The following PMS1 variants were observed in gnomAD, a reference collection of about 807,000 sequenced individuals.
PMS1 encodes the protein PMS1 protein homolog 1.
In PMS1, 79 loss-of-function variants were observed where a neutral mutation model predicts 93.1. The ratio of observed to expected loss-of-function variants is 0.85; its 90% CI spans 0.71 to 1.02. The LOEUF is 1.02. PMS1 is among the 50% of genes least tolerant of loss of function. The pLI, the probability that PMS1 is intolerant of heterozygous loss-of-function variation, is 0.00. For synonymous variants in PMS1, 335 were observed against 363.4 expected (o/e 0.92, Z 0.89); for missense variants, 1,064 against 1,085.3 (o/e 0.98, Z 0.28).
intron 5 of PMS1, among the ~76,000 whole-genome samples, chr2:189,838,886 A>G (rs953557086): frequency 6.6e-6 from 1 of 152,246 alleles, no homozygotes; most frequent in Non-Finnish European, 1.5e-5. Context: ...TTAATTACAC[A>G]TAGTCCTCAG....
Position 189,864,227 on chromosome 2 carries a change from A to G in PMS1, c.2341A>G (p.Ser781Gly), listed in dbSNP as rs201984263. 53 of 1,587,274 alleles carry G rather than the reference A, an allele frequency of 3.3e-5. No individual in the cohort carries two copies. The African/African-American group carries it at 6.7e-4, about 20-fold the overall frequency. ...GGAAAAGCCAATTATGTTAACAGAG[A>G]GGTATGATGATACAATACTTTTTAA... Reference protein sequence around the residue: ...PLEKPIMLTESLFNGSHYLDV... With the variant: ...PLEKPIMLTEGLFNGSHYLDV... The change falls in exon 10 of 13, where the codon AGT (serine) becomes GGT (glycine). Residue 781 changes from serine (S) to glycine (G), a missense_variant and splice_region_variant. By Grantham distance (56) the Ser-to-Gly change is moderately conservative. Transcript: ENST00000441310.
Position 189,840,175 on chromosome 2 carries a change from C to T in PMS1, c.583-3789C>T, listed in dbSNP as rs5743094. 4.5e-3 allele frequency among the ~76,000 whole-genome samples: 680 copies of T among 152,170 alleles called. 3 individuals carry two copies. Among genetic ancestry groups the T allele is most frequent in the African/African-American group, 0.016 (652 of 41,524 alleles). Reference sequence around the variant, plus strand: ...GTTTATTTGAGCAAATAACAGTTTACAAATCAGGCAGCCCCCAGAGCCAGA... The same window carrying T: ...GTTTATTTGAGCAAATAACAGTTTATAAATCAGGCAGCCCCCAGAGCCAGA... On this transcript the variant is annotated intron_variant, in intron 5 of 12. Transcript: ENST00000441310.
intron 10 of PMS1, among the ~76,000 whole-genome samples, chr2:189,865,381 G>A (rs937735382): frequency 2.6e-5 from 4 of 152,006 alleles, no homozygotes; most frequent in African/African-American, 4.8e-5. Flanking sequence ...TTAATTGGGG[G>A]TTAATTAAAC....
chr2:189,784,892 A>C (rs2048140661), intron 1 of PMS1: 1 of 152,238 alleles, frequency 6.6e-6, no homozygotes, highest in Non-Finnish European at 1.5e-5. Context: ...ACTGTAACTC[A>C]TCTTGTGTGA....
chr2:189,846,765 CAT>C (rs2054287923), intron 6 of PMS1, among the ~76,000 whole-genome samples: 1 of 152,048 alleles, frequency 6.6e-6, no homozygotes, highest in South Asian at 2.1e-4. Flanking sequence ...GTCTGGCAGA[CAT>C]AGACTTTTAG....
At chr2:189,835,533 G>A (rs1454397279) in intron 5 of PMS1, among the ~76,000 whole-genome samples, 1 of 152,044 alleles carries the variant, frequency 6.6e-6, no homozygotes, top group Non-Finnish European at 1.5e-5. Flanking sequence ...TGTACTTTTT[G>A]GAGTCAGAGT....
At chr2:189,870,502 G>A (rs1484368517) in intron 11 of PMS1, among the ~76,000 whole-genome samples, 2 of 152,066 alleles carry the variant, frequency 1.3e-5, no homozygotes, top group African/African-American at 4.8e-5. Context: ...ACTTTTCAAG[G>A]GTTATTGTTA....
intron 4 of PMS1, among the ~76,000 whole-genome samples, chr2:189,809,904 C>T (rs1434663934): frequency 1.3e-5 from 2 of 152,194 alleles, no homozygotes; most frequent in Non-Finnish European, 2.9e-5. Context: ...TATCAATATA[C>T]AGATTAGGTA....
chr2:189,839,331 G>T (rs1483315992), intron 5 of PMS1, among the ~76,000 whole-genome samples: 3 of 152,164 alleles, frequency 2.0e-5, no homozygotes, highest in Admixed American at 6.5e-5. Context: ...TATAGTTTCA[G>T]TTCTCACTAA....
chr2:189,866,616 G>A (rs2056682261), intron 10 of PMS1, among the ~76,000 whole-genome samples: 1 of 152,088 alleles, frequency 6.6e-6, no homozygotes, highest in Non-Finnish European at 1.5e-5. Flanking sequence ...TATAAAGTAA[G>A]GGCTCAATAA....
At position 189,854,965 on chromosome 2, in the gene PMS1, T is replaced by G. The variant is rs886356099; in HGVS notation, c.1693T>G (p.Leu565Val). 1.2e-6 allele frequency: 2 copies of G among 1,612,860 alleles called. No individual in the cohort carries two copies. Among genetic ancestry groups the G allele is most frequent in the Non-Finnish European group, 1.7e-6 (2 of 1,179,070 alleles). ...NKSGKVTAYD[L>V]LSNRVIKKPM... The stretch of plus-strand genomic sequence containing the variant: ...ATCTGGAAAAGTTACAGCTTATGAT[T>G]TACTTAGCAATCGAGTAATCAAGAA... The change falls in exon 9 of 13, where the codon TTA (leucine) becomes GTA (valine). Residue 565 changes from leucine to valine, a missense_variant. Transcript: ENST00000441310.
chr2:189,806,121 C>T (rs911570276), intron 4 of PMS1: 4 of 414,656 alleles, frequency 9.6e-6, no homozygotes, highest in Non-Finnish European at 1.7e-5. Flanking sequence ...TGGAAATAAA[C>T]GATACCATCA....
At chr2:189,819,437 G>GT (rs35610902) in intron 5 of PMS1, among the ~76,000 whole-genome samples, 2 of 151,998 alleles carry the variant, frequency 1.3e-5, no homozygotes, top group Admixed American at 1.3e-4. Context: ...TCTATTTTTA[G>GT]TTTTTTTAGA....
Position 189,854,872 on chromosome 2 carries a change from C to T in PMS1, c.1600C>T (p.Pro534Ser), listed in dbSNP as rs1329105408. 3.1e-6 allele frequency: 5 copies of T among 1,608,178 alleles called. No individual in the cohort carries two copies. Among genetic ancestry groups the T allele is most frequent in the Non-Finnish European group, 4.3e-6 (5 of 1,175,142 alleles). The change falls in exon 9 of 13, where the codon CCA becomes TCA. Residue 534 changes from proline (P) to serine (S), a missense_variant. Physicochemically the swap from Pro to Ser is moderately conservative, Grantham distance 74. Coordinates refer to ENST00000441310, the MANE Select transcript of PMS1 (RefSeq NM_000534.5). ...LPCKVSNNNY[P>S]IPEQMNLNED... ...ATGTAAAGTAAGTAATAATAATTATCCAATCCCTGAACAAATGAATCTTAA... is the reference window on the plus strand; with the variant it reads ...ATGTAAAGTAAGTAATAATAATTATTCAATCCCTGAACAAATGAATCTTAA...
intron 1 of PMS1, 62 bp from the exon 2 acceptor site, chr2:189,791,728 C>A: frequency 2.7e-6 from 3 of 1,131,622 alleles, no homozygotes; most frequent in South Asian, 1.2e-5. Context: ...ATTATTATTG[C>A]CATTTGTCCT....
intron 5 of PMS1, among the ~76,000 whole-genome samples, chr2:189,839,474 C>T (rs1246893628): frequency 2.0e-5 from 3 of 152,158 alleles, no homozygotes; most frequent in East Asian, 1.9e-4. Context: ...CCAGGTCATT[C>T]GTGATTTAGC....
intron 4 of PMS1, among the ~76,000 whole-genome samples, chr2:189,815,905 CT>C (rs370567635): frequency 2.0e-4 from 30 of 152,196 alleles, no homozygotes; most frequent in Admixed American, 5.2e-4. Flanking sequence ...CACAAAATGT[CT>C]TTTTTTCCCC....
rs540500748 is a variant in PMS1 at position 189,840,517 on chromosome 2, A to G, written c.583-3447A>G. ...CTTTAGGCTAAACTTAATTTAACAT[A>G]CTTTATGTCTTTTTTCTTATACAGG... is the stretch of plus-strand genomic sequence containing the variant. On this transcript the variant is annotated intron_variant, in intron 5 of 12. Coordinates refer to ENST00000441310, the MANE Select transcript of PMS1 (RefSeq NM_000534.5). Among the ~76,000 whole-genome samples the G allele has an allele frequency of 2.0e-5, 3 of 152,356 alleles. No individual in the cohort carries two copies. In the South Asian group the frequency reaches 6.2e-4, roughly 32 times the overall value.
At chr2:189,795,216 G>T (rs1372557991) in intron 2 of PMS1, among the ~76,000 whole-genome samples, 1 of 152,096 alleles carries the variant, frequency 6.6e-6, no homozygotes, top group Non-Finnish European at 1.5e-5. Context: ...TTATAATGTA[G>T]TAAACATAGA....
Sources: gnomAD v4.1 joint callset for allele counts (sites outside exome capture counted in the v4.1 genomes callset) on GRCh38, gnomAD v4.1.1 for gene constraint, MANE v1.5 for transcripts, NCBI Gene and HGNC (gene_info 2026-07-23, HGNC 2026-07-21) for gene names.